The following SERTM1 variants were observed in gnomAD, a reference collection of about 807,000 sequenced individuals.
The protein encoded by SERTM1 is serine rich and transmembrane domain containing 1, also known as serine-rich and transmembrane domain-containing protein 1.
Under a neutral mutation model 5.5 loss-of-function variants are expected in SERTM1, and 1 was observed. The observed-to-expected ratio is 0.18, with a 90% CI of 0.06 to 0.86. SERTM1 has a LOEUF of 0.86. Among genes scored for constraint, SERTM1 ranks in the 40% least tolerant of loss-of-function variants. SERTM1 has a pLI of 0.69. For missense variants in SERTM1, 91 were observed against 122.4 expected (o/e 0.74, Z 1.21); for synonymous variants, 52 against 55.1 (o/e 0.94, Z 0.25).
chr13:36,679,619 C>T (rs1413552915), intron 1 of SERTM1, among the ~76,000 whole-genome samples: 1 of 152,110 alleles, frequency 6.6e-6, no homozygotes, highest in Non-Finnish European at 1.5e-5. Flanking sequence ...TGCTGGCCAG[C>T]TGGTCTTGAA....
chr13:36,679,208 G>T (rs1285009823), intron 1 of SERTM1, among the ~76,000 whole-genome samples: 9 of 152,096 alleles, frequency 5.9e-5, no homozygotes, highest in Admixed American at 5.2e-4. Flanking sequence ...AGTCTGAAAT[G>T]TCCCAAAATC....
chr13:36,697,494 A>C lies in SERTM1; in HGVS notation c.*2092A>C, dbSNP rs1372924766. The C allele has an allele frequency of 6.0e-6, 1 of 166,786 alleles. No individual in the cohort carries two copies. Among genetic ancestry groups the C allele is most frequent in the Non-Finnish European group, 1.5e-5 (1 of 68,074 alleles). The allele number at this position is 166,786 out of a possible 1,614,324, so 10.3% of individuals were successfully genotyped here. On this transcript the variant is annotated 3_prime_UTR_variant, in exon 2 of 2. Coordinates refer to ENST00000315190, the MANE Select transcript of SERTM1 (RefSeq NM_203451.3). Reference sequence around the variant, plus strand: ...GTGATTTTTTTTTAAATAAAAGGACAAATTTGCCACACAACAGAACAATCT... The same window carrying C: ...GTGATTTTTTTTTAAATAAAAGGACCAATTTGCCACACAACAGAACAATCT...
intron 1 of SERTM1, among the ~76,000 whole-genome samples, chr13:36,677,036 C>T (rs1003421117): frequency 1.8e-4 from 28 of 152,196 alleles, no homozygotes; most frequent in Middle Eastern, 3.4e-3. Context: ...TTTCAGGAGC[C>T]GGGCAACAGT....
At chr13:36,683,599 T>A (rs1226254620) in intron 1 of SERTM1, among the ~76,000 whole-genome samples, 2 of 152,126 alleles carry the variant, frequency 1.3e-5, no homozygotes, top group Non-Finnish European at 2.9e-5. Context: ...CTCACTGTGG[T>A]CACTCAAGGA....
At chr13:36,675,205 C>T (rs1291040770) in intron 1 of SERTM1, among the ~76,000 whole-genome samples, 3 of 148,118 alleles carry the variant, frequency 2.0e-5, no homozygotes, top group Non-Finnish European at 3.0e-5. Flanking sequence ...AAATGTTCTG[C>T]TAAAGTAAGT....
chr13:36,687,267 T>G (rs2056747328), intron 1 of SERTM1, among the ~76,000 whole-genome samples: 1 of 152,194 alleles, frequency 6.6e-6, no homozygotes, highest in African/African-American at 2.4e-5. Context: ...GCAAGACACA[T>G]AACATTTATG....
intron 1 of SERTM1, among the ~76,000 whole-genome samples, chr13:36,694,114 T>G (rs758939792): frequency 4.6e-4 from 70 of 152,160 alleles, no homozygotes; most frequent in Non-Finnish European, 5.6e-4. Flanking sequence ...CATAACACCA[T>G]GGGAAGATGA....
At chr13:36,686,235 C>A (rs2056740238) in intron 1 of SERTM1, among the ~76,000 whole-genome samples, 1 of 152,186 alleles carries the variant, frequency 6.6e-6, no homozygotes, top group Non-Finnish European at 1.5e-5. Context: ...TGCTTCACTG[C>A]AAGTGTTTGT....
chr13:36,675,772 C>G (rs2056666084), intron 1 of SERTM1, among the ~76,000 whole-genome samples: 1 of 152,310 alleles, frequency 6.6e-6, no homozygotes, highest in Admixed American at 6.5e-5. Context: ...AGCCCATGCC[C>G]TAGTCACCTT....
intron 1 of SERTM1, 111 bp from the exon 2 acceptor site, chr13:36,694,795 T>G (rs551089508): frequency 2.4e-6 from 1 of 416,708 alleles, no homozygotes; most frequent in Non-Finnish European, 4.2e-6. Context: ...TTATATCATC[T>G]TGTTTCCTCC....
chr13:36,689,231 C>T (rs964228760), intron 1 of SERTM1, among the ~76,000 whole-genome samples: 2 of 152,010 alleles, frequency 1.3e-5, no homozygotes, highest in African/African-American at 4.8e-5. Context: ...TACATCCAGG[C>T]GTGGTGGCTC....
In SERTM1 at chr13:36,695,024, C is replaced by A; in HGVS notation, c.-55C>A. 1 of 1,276,660 alleles carries A rather than the reference C, an allele frequency of 7.8e-7. No individual in the cohort carries two copies. The highest frequency in any genetic ancestry group is 2.3e-5 in the East Asian group (1 of 43,232). 79.1% of individuals were successfully genotyped at this position (1,276,660 alleles called of 1,614,324 possible). A position where few individuals can be genotyped will look rare whatever the true frequency, so the allele number is the denominator to read the frequency against. On this transcript the variant is annotated 5_prime_UTR_variant, in exon 2 of 2. Coordinates refer to ENST00000315190, the MANE Select transcript of SERTM1 (RefSeq NM_203451.3). The stretch of plus-strand genomic sequence containing the variant: ...AAATGCCAATCTGTCCTGTGTAAGC[C>A]CTGTGTGAAGTTTTGACTTTAATCT...
intron 1 of SERTM1, among the ~76,000 whole-genome samples, chr13:36,689,294 T>A (rs2056762173): frequency 6.6e-6 from 1 of 151,960 alleles, no homozygotes; most frequent in Admixed American, 6.6e-5. Flanking sequence ...TCACCTGAGG[T>A]CAGGAGTTCG....
intron 1 of SERTM1, among the ~76,000 whole-genome samples, chr13:36,682,089 C>A (rs2056708935): frequency 6.6e-6 from 1 of 152,150 alleles, no homozygotes; most frequent in African/African-American, 2.4e-5. Context: ...GATGCTTACC[C>A]CCTTTGAGTA....
At chr13:36,693,395 T>TTC (rs5802833) in intron 1 of SERTM1, among the ~76,000 whole-genome samples, 1 of 73,864 alleles carries the variant, frequency 1.4e-5, no homozygotes, top group African/African-American at 5.0e-5. Flanking sequence ...CTTCTTCTTC[T>TTC]TTTTTTTTTT....
intron 1 of SERTM1, among the ~76,000 whole-genome samples, chr13:36,692,088 A>T (rs1424078550): frequency 6.6e-6 from 1 of 152,224 alleles, no homozygotes; most frequent in African/African-American, 2.4e-5. Context: ...AATGGTATTA[A>T]ATCAATAATA....
intron 1 of SERTM1, among the ~76,000 whole-genome samples, chr13:36,675,002 T>A (rs1420809628): frequency 2.0e-5 from 3 of 152,162 alleles, no homozygotes; most frequent in African/African-American, 7.2e-5. Context: ...ATATGTAATG[T>A]GCCCTCCTCC....
At chr13:36,688,129 G>A (rs1159876312) in intron 1 of SERTM1, among the ~76,000 whole-genome samples, 1 of 151,844 alleles carries the variant, frequency 6.6e-6, no homozygotes, top group Admixed American at 6.6e-5. Flanking sequence ...TTACTATAGA[G>A]ACAAAATGAG....
At chr13:36,685,235 G>GAGCA (rs1373296929) in intron 1 of SERTM1, among the ~76,000 whole-genome samples, 1 of 152,206 alleles carries the variant, frequency 6.6e-6, no homozygotes, top group Non-Finnish European at 1.5e-5. Flanking sequence ...GAGAAACAGA[G>GAGCA]AGCATTGGCA....
Sources: gnomAD v4.1 joint callset for allele counts (sites outside exome capture counted in the v4.1 genomes callset) on GRCh38, gnomAD v4.1.1 for gene constraint, MANE v1.5 for transcripts, NCBI Gene and HGNC (gene_info 2026-07-23, HGNC 2026-07-21) for gene names.